Variants in SEPTIN10 observed in about 807,000 individuals in gnomAD.
SEPTIN10 encodes septin 10, also known as septin-10.
A neutral mutation model predicts 54.8 loss-of-function variants in SEPTIN10; 66 were observed. The ratio of observed to expected loss-of-function variants is 1.21; its 90% CI spans 0.99 to 1.48. SEPTIN10 has a LOEUF of 1.48. Among genes scored for constraint, SEPTIN10 ranks in the 40% most tolerant of loss-of-function variants. SEPTIN10 has a pLI of 0.00. For missense variants in SEPTIN10, 620 were observed against 545.6 expected (o/e 1.14, Z -1.36); for synonymous variants, 161 against 181.0 (o/e 0.89, Z 0.89).
chr2:109,544,000 GA>G lies in SEPTIN10; in HGVS notation c.*308del. 1 of 695,764 alleles carries G rather than the reference GA, an allele frequency of 1.4e-6. No homozygotes were observed. Among genetic ancestry groups the G allele is most frequent in the African/African-American group, 1.8e-5 (1 of 55,138 alleles). 43.1% of individuals were successfully genotyped at this position (695,764 alleles called of 1,614,324 possible). A position where few individuals can be genotyped will look rare whatever the true frequency, so the allele number is the denominator to read the frequency against. ...AAAATCTGTTTAAACTGAACCATCAGAAAGCAAAGGTGTCGGGTGGGGAATT... is the reference window on the plus strand; with the variant it reads ...AAAATCTGTTTAAACTGAACCATCAGAAGCAAAGGTGTCGGGTGGGGAATT... On this transcript the variant is annotated 3_prime_UTR_variant, in exon 11 of 11. Transcript: ENST00000397712.
rs555266605 is a variant in SEPTIN10, at chr2:109,613,551, C to G, written c.30+247G>C. On this transcript the variant is annotated intron_variant, in intron 1 of 10. Coordinates refer to ENST00000397712, the MANE Select transcript of SEPTIN10 (RefSeq NM_144710.5). ...GACCGGGAAGTCGTTCAAGAACTCT[C>G]CCACCGTCCCGACGCTGGCGCCGCG... 35 of 246,296 alleles carry G rather than the reference C, an allele frequency of 1.4e-4. No homozygotes were observed. The South Asian group carries it at 5.5e-3, about 39-fold the overall frequency. 15.3% of individuals were successfully genotyped at this position (246,296 alleles called of 1,614,324 possible). A position where few individuals can be genotyped will look rare whatever the true frequency, so the allele number is the denominator to read the frequency against.
At chr2:109,566,801 G>A (rs1322048796) in intron 6 of SEPTIN10, among the ~76,000 whole-genome samples, 2 of 152,152 alleles carry the variant, frequency 1.3e-5, no homozygotes, top group Admixed American at 1.3e-4. Flanking sequence ...AGGTTCAGGG[G>A]CAGGGAGTAG....
At chr2:109,569,192 G>C (rs56710907) in intron 5 of SEPTIN10, among the ~76,000 whole-genome samples, 2 of 152,072 alleles carry the variant, frequency 1.3e-5, no homozygotes, top group African/African-American at 4.8e-5. Context: ...ACTTTGAAAG[G>C]CTGAGGCAGG....
intron 7 of SEPTIN10, among the ~76,000 whole-genome samples, chr2:109,564,919 A>G (rs1686603239): frequency 6.6e-6 from 1 of 152,224 alleles, no homozygotes; most frequent in South Asian, 2.1e-4. Context: ...ATATTAGTTC[A>G]CTAAAACTTC....
chr2:109,585,357 G>A (rs992877090), intron 3 of SEPTIN10, 36 bp from the exon 4 acceptor site: 8 of 1,495,312 alleles, frequency 5.4e-6, no homozygotes, highest in Non-Finnish European at 7.3e-6. Flanking sequence ...ATGGTTGCAT[G>A]AATGGCTGAA....
chr2:109,613,216 T>C (rs1207313264), intron 1 of SEPTIN10: 7 of 1,280,426 alleles, frequency 5.5e-6, no homozygotes, highest in Non-Finnish European at 6.1e-6. Flanking sequence ...GCGAGATAAA[T>C]CTACAAAAGT....
At chr2:109,611,426 A>G (rs147392145) in intron 1 of SEPTIN10, among the ~76,000 whole-genome samples, 89 of 152,136 alleles carry the variant, frequency 5.9e-4, no homozygotes, top group East Asian at 1.9e-3. Context: ...TTCAAATCAC[A>G]TATCTGAGAA....
At chr2:109,609,350 T>C (rs1170546936) in intron 1 of SEPTIN10, among the ~76,000 whole-genome samples, 1 of 151,986 alleles carries the variant, frequency 6.6e-6, no homozygotes, top group Non-Finnish European at 1.5e-5. Context: ...ATAATACAGG[T>C]TGCTCTTCCA....
At chr2:109,584,816 C>A (rs1692090608) in intron 4 of SEPTIN10, among the ~76,000 whole-genome samples, 1 of 151,986 alleles carries the variant, frequency 6.6e-6, no homozygotes. Flanking sequence ...GAGATAAGCC[C>A]TGCCTGAAAA....
chr2:109,604,675 C>A (rs945809960), intron 1 of SEPTIN10, among the ~76,000 whole-genome samples: 2 of 147,020 alleles, frequency 1.4e-5, no homozygotes, highest in African/African-American at 5.0e-5. Flanking sequence ...TACAGTGAGC[C>A]AAGATTGAGC....
intron 1 of SEPTIN10, 100 bp downstream of exon 1, chr2:109,613,698 A>C: frequency 1.2e-6 from 1 of 805,954 alleles, no homozygotes; most frequent in Non-Finnish European, 1.6e-6. Flanking sequence ...GGCGCGGGTC[A>C]CAATCCCGGG....
chr2:109,608,541 G>A (rs946967529), intron 1 of SEPTIN10, among the ~76,000 whole-genome samples: 2 of 152,138 alleles, frequency 1.3e-5, no homozygotes, highest in African/African-American at 4.8e-5. Context: ...AACTAGTGAG[G>A]AGGGGCTGGG....
At chr2:109,559,756 C>T (rs1236087729) in intron 8 of SEPTIN10, among the ~76,000 whole-genome samples, 1 of 152,100 alleles carries the variant, frequency 6.6e-6, no homozygotes, top group African/African-American at 2.4e-5. Context: ...CATTCTTTCC[C>T]TGGACTATGA....
intron 5 of SEPTIN10, among the ~76,000 whole-genome samples, chr2:109,571,211 T>G (rs1688299958): frequency 6.6e-6 from 1 of 152,244 alleles, no homozygotes; most frequent in Non-Finnish European, 1.5e-5. Context: ...CCTAAGGAAC[T>G]GTAAGTCAAT....
chr2:109,555,205 C>T (rs1166612664), intron 8 of SEPTIN10, among the ~76,000 whole-genome samples: 1 of 152,100 alleles, frequency 6.6e-6, no homozygotes, highest in East Asian at 1.9e-4. Flanking sequence ...AATAAGGTCC[C>T]ACCTCCTTTA....
At chr2:109,557,700 C>CAAA (rs1336819963) in intron 8 of SEPTIN10, among the ~76,000 whole-genome samples, 1 of 152,116 alleles carries the variant, frequency 6.6e-6, no homozygotes, top group Non-Finnish European at 1.5e-5. Flanking sequence ...TAAAGAAAGT[C>CAAA]AGATCTGAAA....
intron 1 of SEPTIN10, among the ~76,000 whole-genome samples, chr2:109,601,801 T>C (rs1247118632): frequency 6.6e-6 from 1 of 151,916 alleles, no homozygotes; most frequent in Admixed American, 6.6e-5. Flanking sequence ...TCCTTTATGA[T>C]GTCTTACAGA....
intron 1 of SEPTIN10, among the ~76,000 whole-genome samples, chr2:109,609,615 C>CAA (rs59667245): frequency 2.0e-5 from 2 of 97,944 alleles, no homozygotes; most frequent in Non-Finnish European, 2.1e-5. Flanking sequence ...GACTCCGCCT[C>CAA]AAAAAAAAAA....
At position 109,574,646 on chromosome 2, in the gene SEPTIN10, T is replaced by C. The variant is rs185846561; in HGVS notation, c.535A>G (p.Ile179Val). ...DSRIHVCLYFISPTGHSLKTL... is the reference protein window; with the variant it reads ...DSRIHVCLYFVSPTGHSLKTL... ...TTCAGAGAGTGGCCTGTCGGTGAAATGAAGTAGAGACACACATGGATGCGA... is the reference window on the plus strand; with the variant it reads ...TTCAGAGAGTGGCCTGTCGGTGAAACGAAGTAGAGACACACATGGATGCGA... The change falls in exon 5 of 11, where the codon ATT (isoleucine) becomes GTT (valine). Residue 179 changes from isoleucine (I) to valine (V), a missense_variant. Ile to Val is a conservative substitution (Grantham distance 29). Coordinates refer to ENST00000397712, the MANE Select transcript of SEPTIN10 (RefSeq NM_144710.5). 437 of 1,604,516 alleles carry C rather than the reference T, an allele frequency of 2.7e-4. No individual in the cohort carries two copies. In the African/African-American group the frequency reaches 4.8e-3, roughly 17 times the overall value.
Sources: allele counts gnomAD v4.1 joint callset (sites outside exome capture counted in the v4.1 genomes callset), GRCh38; gene constraint gnomAD v4.1.1; transcripts MANE v1.5; gene names NCBI Gene and HGNC (gene_info 2026-07-23, HGNC 2026-07-21).